Variants in RGS12 observed in about 807,000 individuals in gnomAD.
RGS12 encodes the protein regulator of G protein signaling 12.
In RGS12, 66 loss-of-function variants were observed where a neutral mutation model predicts 120.1. That is an observed-to-expected ratio of 0.55 (90% CI 0.45 to 0.67). RGS12 has a LOEUF of 0.67. RGS12 is among the 30% of genes least tolerant of loss of function. The probability of loss-of-function intolerance (pLI) is 0.00; values close to 1 mark genes in which losing one functional copy is unlikely to be tolerated. For missense variants in RGS12, 1,859 were observed against 1,957.7 expected, an observed-to-expected ratio of 0.95 and a Z score of 0.95; for synonymous variants, 827 against 804.7, an observed-to-expected ratio of 1.03 and a Z score of -0.47.
chr4:3,290,593 C>T (rs1349733284), upstream of RGS12, among the ~76,000 whole-genome samples: 2 of 152,262 alleles, frequency 1.3e-5, no homozygotes, highest in African/African-American at 4.8e-5. Context: ...AATTATCATC[C>T]ATCCCACTTG....
chr4:3,420,288 C>G (rs574450626), intron 9 of RGS12: 1 of 312,190 alleles, frequency 3.2e-6, no homozygotes, highest in Non-Finnish European at 6.0e-6. Context: ...AGGCCCTTAC[C>G]GGGACATGCA....
intron 4 of RGS12, among the ~76,000 whole-genome samples, chr4:3,402,716 TC>T (rs920322234): frequency 2.0e-5 from 3 of 152,288 alleles, no homozygotes; most frequent in Non-Finnish European, 4.4e-5. Context: ...GGTCTGAACT[TC>T]CTGTGTGGCC....
intron 4 of RGS12, among the ~76,000 whole-genome samples, chr4:3,392,212 C>G (rs1186478409): frequency 2.0e-5 from 3 of 152,142 alleles, no homozygotes; most frequent in Non-Finnish European, 2.9e-5. Context: ...TCCCCTACCC[C>G]CAGGCTAGAT....
rs371404745 is a variant in RGS12 at position 3,430,711 on chromosome 4, C to G, written c.3870C>G (p.Pro1290=). 16 of 1,580,906 alleles carry G rather than the reference C, an allele frequency of 1.0e-5. No homozygotes were observed. The highest frequency in any genetic ancestry group is 2.7e-5 in the African/African-American group (2 of 74,178). ...SPPGPPGTTP[P]GQKSPSGPFC... ...CTGGACCTCCTGGGACGACCCCCCC[C>G]GGGCAGAAGTCTCCCAGCGGGCCCT... The change falls in exon 17 of 18, where the codon CCC becomes CCG. Residue 1290 remains proline (P), a synonymous_variant. Transcript: ENST00000336727.
At chr4:3,410,469 A>G (rs4690093) in intron 4 of RGS12, among the ~76,000 whole-genome samples, 35,209 of 151,330 alleles carry the variant, frequency 0.23, 4,993 homozygotes, top group East Asian at 0.48. Flanking sequence ...GCCATTGTGT[A>G]TTCTGTGCCT....
intron 1 of RGS12, among the ~76,000 whole-genome samples, chr4:3,310,315 C>T (rs1411638463): frequency 6.8e-6 from 1 of 146,866 alleles, no homozygotes; most frequent in East Asian, 1.9e-4. Flanking sequence ...TGGCAGGTGT[C>T]CTCTGAGGGG....
Position 3,372,616 on chromosome 4 carries a change from G to A in RGS12, c.1999-13800G>A, listed in dbSNP as rs755637642. ...GTGTGGCCGGCATGGAGGTGGCGGC[G>A]GCCATCAGGGTGTGGTTTTGTGACG... On this transcript the variant is annotated intron_variant, in intron 3 of 17. Transcript: ENST00000336727. This position sits in a 1 kb window ranked among gnomAD's most constrained non-coding sequence, Gnocchi z 4.3. 6.6e-6 allele frequency among the ~76,000 whole-genome samples: 1 copy of A among 152,246 alleles called. No homozygotes were observed. Among genetic ancestry groups the A allele is most frequent in the African/African-American group, 2.4e-5 (1 of 41,460 alleles).
At chr4:3,321,486 G>A (rs1309792737) in intron 2 of RGS12, among the ~76,000 whole-genome samples, 1 of 152,240 alleles carries the variant, frequency 6.6e-6, no homozygotes. Flanking sequence ...GCCAGGATCA[G>A]AAGCTGGGCA....
At chr4:3,327,908 G>T (rs531218403) in intron 2 of RGS12, among the ~76,000 whole-genome samples, 6 of 152,308 alleles carry the variant, frequency 3.9e-5, no homozygotes, top group South Asian at 4.1e-4. Context: ...CATAGGAAAA[G>T]AAATCATTAT....
At chr4:3,347,004 G>A (rs1227599774) in intron 3 of RGS12, among the ~76,000 whole-genome samples, 1 of 138,602 alleles carries the variant, frequency 7.2e-6, no homozygotes, top group Non-Finnish European at 1.6e-5. Flanking sequence ...TTTTTTTTTT[G>A]TAAATAACCA....
chr4:3,347,062 C>T (rs970416273), intron 3 of RGS12, among the ~76,000 whole-genome samples: 2 of 151,540 alleles, frequency 1.3e-5, no homozygotes, highest in Non-Finnish European at 2.9e-5. Context: ...TTGGAGGGAT[C>T]GAGTAGGGAG....
chr4:3,299,882 C>A (rs986411446), intron 1 of RGS12, among the ~76,000 whole-genome samples: 1 of 152,166 alleles, frequency 6.6e-6, no homozygotes, highest in Non-Finnish European at 1.5e-5. Context: ...GACCCCTGGA[C>A]CCCTGGACCC....
At chr4:3,333,052 T>C (rs1712040384) in intron 2 of RGS12, among the ~76,000 whole-genome samples, 2 of 132,542 alleles carry the variant, frequency 1.5e-5, no homozygotes, top group East Asian at 2.1e-4. Flanking sequence ...TCTCAAACTC[T>C]TTTTTTTTTT....
At chr4:3,293,946 G>A (rs1315485385) in intron 1 of RGS12, among the ~76,000 whole-genome samples, 2 of 151,732 alleles carry the variant, frequency 1.3e-5, no homozygotes, top group African/African-American at 4.8e-5. Flanking sequence ...CGTGCAGACA[G>A]AGAAGGGGCC....
At chr4:3,419,689 G>A (rs888802336) in intron 9 of RGS12, among the ~76,000 whole-genome samples, 4 of 151,950 alleles carry the variant, frequency 2.6e-5, no homozygotes, top group Non-Finnish European at 4.4e-5. Context: ...GTGTGGTGGC[G>A]CACCTGTTGC....
intron 4 of RGS12, among the ~76,000 whole-genome samples, chr4:3,410,497 C>G (rs1721622050): frequency 6.6e-6 from 1 of 152,240 alleles, no homozygotes; most frequent in African/African-American, 2.4e-5. Context: ...GGCTGTCCAG[C>G]CAGCTCTGGT....
At chr4:3,350,511 A>G (rs1292388312) in intron 3 of RGS12, among the ~76,000 whole-genome samples, 1 of 152,078 alleles carries the variant, frequency 6.6e-6, no homozygotes, top group Non-Finnish European at 1.5e-5. Context: ...GCAAGATCCC[A>G]TCTCTACAAA....
At chr4:3,424,007 G>A (rs916075571) in intron 13 of RGS12, 7 of 195,402 alleles carry the variant, frequency 3.6e-5, no homozygotes, top group South Asian at 2.3e-4. Flanking sequence ...TGCTGGGCCC[G>A]GGCATTGTGC....
rs114125384 is a variant in RGS12, at chr4:3,368,956, A to G, written c.1999-17460A>G. Among the ~76,000 whole-genome samples the G allele has an allele frequency of 7.7e-3, 1,176 of 152,210 alleles. 5 individuals carry two copies. The highest frequency in any genetic ancestry group is 0.012 in the Non-Finnish European group (791 of 67,974). ...GAGCCCAGGGGAAGTGGGTGGGGCC[A>G]TGGTAGGTAGAGGCGGGGCCCTGTC... On this transcript the variant is annotated intron_variant, in intron 3 of 17. Coordinates refer to ENST00000336727, the MANE Select transcript of RGS12 (RefSeq NM_001394154.1).
Sources: allele counts gnomAD v4.1 joint callset (sites outside exome capture counted in the v4.1 genomes callset), GRCh38; gene constraint gnomAD v4.1.1; non-coding constraint Gnocchi (gnomAD v3.1); transcripts MANE v1.5; gene names NCBI Gene and HGNC (gene_info 2026-07-23, HGNC 2026-07-21).